LMBR1L: variants seen among roughly 807,000 people sequenced by gnomAD.
LMBR1L encodes limb development membrane protein 1 like.
LMBR1L carries 47 observed loss-of-function variants against 67.3 expected under a neutral mutation model. The observed-to-expected ratio is 0.70, with a 90% CI of 0.55 to 0.89. The LOEUF (loss-of-function observed/expected upper bound fraction) is 0.89, where lower values mean the gene tolerates loss of function less well. Among genes scored for constraint, LMBR1L ranks in the 40% least tolerant of loss-of-function variants. LMBR1L has a pLI of 0.00. For synonymous variants in LMBR1L, 247 were observed against 250.3 expected, an observed-to-expected ratio of 0.99 and a Z score of 0.13; for missense variants, 533 against 599.2, an observed-to-expected ratio of 0.89 and a Z score of 1.15.
chr12:49,101,596 G>A, intron 11 of LMBR1L, 47 bp from the exon 12 acceptor site: 8 of 1,416,764 alleles, frequency 5.6e-6, no homozygotes, highest in Non-Finnish European at 7.9e-6. Context: ...GACCACAGCT[G>A]GACCCAGAGC....
At chr12:49,100,120 A>G (rs1326546682) in intron 15 of LMBR1L, among the ~76,000 whole-genome samples, 1 of 152,232 alleles carries the variant, frequency 6.6e-6, no homozygotes, top group Non-Finnish European at 1.5e-5. Context: ...CCCAGGAGAA[A>G]GATTTAGAAA....
Position 49,103,687 on chromosome 12 carries a change from C to T in LMBR1L, c.562G>A (p.Asp188Asn). The T allele has an allele frequency of 6.2e-7, 1 of 1,613,132 alleles. No homozygotes were observed. The highest frequency in any genetic ancestry group is 8.5e-7 in the Non-Finnish European group (1 of 1,179,530). Reference sequence around the variant, plus strand: ...GCCTGGAGGAAGCTGGGCCGCTCACCATAGAGTGACTCTCTGTTGGCCTTG... The same window carrying T: ...GCCTGGAGGAAGCTGGGCCGCTCACTATAGAGTGACTCTCTGTTGGCCTTG... ...KNKANRESLY[D>N]FWEYYLPYLY... Residue 188 changes from aspartate (D) to asparagine (N), a missense_variant and splice_region_variant, in exon 6 of 17, where the codon GAC becomes AAC. Asp to Asn is a conservative substitution (Grantham distance 23). Transcript: ENST00000267102.
At position 49,101,849 on chromosome 12, in the gene LMBR1L, T is replaced by C. The variant is rs1408310841; in HGVS notation, c.930+271A>G. 4 of 578,588 alleles carry C rather than the reference T, an allele frequency of 6.9e-6. No individual in the cohort carries two copies. In the Admixed American group the frequency reaches 1.3e-4, roughly 18 times the overall value. The allele number at this position is 578,588 out of a possible 1,614,324, so 35.8% of individuals were successfully genotyped here. A position where few individuals can be genotyped will look rare whatever the true frequency, so the allele number is the denominator to read the frequency against. ...TAGGGGAATCGACTGAATTTCAATG[T>C]TTATTATTTTAATGCCAGGGCAAAC... On this transcript the variant is annotated intron_variant, in intron 11 of 16. Coordinates refer to ENST00000267102, the MANE Select transcript of LMBR1L (RefSeq NM_018113.4).
chr12:49,106,642 G>C, intron 2 of LMBR1L: 1 of 1,358,714 alleles, frequency 7.4e-7, no homozygotes, highest in Non-Finnish European at 9.8e-7. Context: ...CATTCATCCA[G>C]CAGTTGCTCA....
At position 49,110,784 on chromosome 12, in the gene LMBR1L, C is replaced by T. The variant is rs1377078296; in HGVS notation, c.-229G>A. 1.8e-6 allele frequency: 1 copy of T among 560,732 alleles called. No individual in the cohort carries two copies. Among genetic ancestry groups the T allele is most frequent in the Non-Finnish European group, 3.2e-6 (1 of 312,644 alleles). 34.7% of individuals were successfully genotyped at this position (560,732 alleles called of 1,614,324 possible). ...AAAGGGCTCTGTCCTCCCTTTGCTC[C>T]CCACTCTTTAAGGTCGGGTCGCGCT... On this transcript the variant is annotated 5_prime_UTR_variant, in exon 1 of 17. Transcript: ENST00000267102.
chr12:49,102,578 G>A, intron 8 of LMBR1L, 38 bp from the exon 9 acceptor site: 1 of 1,594,812 alleles, frequency 6.3e-7, no homozygotes, highest in Non-Finnish European at 8.6e-7. Context: ...ACTGTCAGAG[G>A]CTCCCTGACC....
chr12:49,101,378 CA>C (rs1425903186), intron 12 of LMBR1L, 55 bp from the exon 13 acceptor site: 4 of 1,604,654 alleles, frequency 2.5e-6, no homozygotes, highest in Non-Finnish European at 3.4e-6. Flanking sequence ...CACTACCCGG[CA>C]CCCAGCCTTC....
At position 49,103,781 on chromosome 12, in the gene LMBR1L, C is replaced by T; in HGVS notation, c.468G>A (p.Val156=). Residue 156 remains valine (V), a synonymous_variant, in exon 6 of 17, where the codon GTG becomes GTA. Coordinates refer to ENST00000267102, the MANE Select transcript of LMBR1L (RefSeq NM_018113.4). ...CCAGCAGAGTGAGGAGCATCAACATCACCACTGTCTCATAGACCCGGCCCA... is the reference window on the plus strand; with the variant it reads ...CCAGCAGAGTGAGGAGCATCAACATTACCACTGTCTCATAGACCCGGCCCA... The part of the protein sequence containing the change: ...GVLGRVYETV[V]MLMLLTLLVL... 6.2e-7 allele frequency: 1 copy of T among 1,614,064 alleles called. No individual in the cohort carries two copies. The highest frequency in any genetic ancestry group is 1.1e-5 in the South Asian group (1 of 91,062).
Position 49,097,812 on chromosome 12 carries a change from C to T in LMBR1L, c.1403-73G>A, listed in dbSNP as rs1939583408. ...CGTTAGGGACCAGGCAGCCAAGCCACAGAATGTGTGGATGAGGTACGTTAC... is the reference window on the plus strand; with the variant it reads ...CGTTAGGGACCAGGCAGCCAAGCCATAGAATGTGTGGATGAGGTACGTTAC... On this transcript the variant is annotated intron_variant, in intron 16 of 16. Transcript: ENST00000267102. 1.1e-5 allele frequency: 17 copies of T among 1,606,432 alleles called. No homozygotes were observed. The South Asian group carries it at 1.9e-4, about 18-fold the overall frequency.
At chr12:49,100,883 A>G in intron 13 of LMBR1L, 1 of 559,482 alleles carries the variant, frequency 1.8e-6, no homozygotes, top group South Asian at 2.2e-5. Flanking sequence ...ACGCACCACC[A>G]CGTCTGGCTA....
intron 1 of LMBR1L, among the ~76,000 whole-genome samples, chr12:49,108,781 A>G (rs1941222450): frequency 6.6e-6 from 1 of 152,110 alleles, no homozygotes. Flanking sequence ...TCTCAAGAAG[A>G]GAAGTTATTG....
chr12:49,097,385 A>C lies in LMBR1L; in HGVS notation c.*287T>G. ...GTAAACATGGCTATGGGGATGGCCC[A>C]GAACAGCAGTGAGGCAGATTGATGT... is the stretch of plus-strand genomic sequence containing the variant. On this transcript the variant is annotated 3_prime_UTR_variant, in exon 17 of 17. Coordinates refer to ENST00000267102, the MANE Select transcript of LMBR1L (RefSeq NM_018113.4). The C allele has an allele frequency of 2.2e-6, 1 of 452,772 alleles. No homozygotes were observed. The highest frequency in any genetic ancestry group is 4.1e-6 in the Non-Finnish European group (1 of 244,158). 28.0% of individuals were successfully genotyped at this position (452,772 alleles called of 1,614,324 possible). A position where few individuals can be genotyped will look rare whatever the true frequency, so the allele number is the denominator to read the frequency against.
chr12:49,109,414 T>C (rs564438466), intron 1 of LMBR1L, among the ~76,000 whole-genome samples: 6 of 152,058 alleles, frequency 3.9e-5, no homozygotes, highest in Admixed American at 6.6e-5. Flanking sequence ...CAGACTAATA[T>C]ACTTTCCTGT....
chr12:49,110,402 A>C, intron 1 of LMBR1L, 82 bp downstream of exon 1: 1 of 1,341,800 alleles, frequency 7.5e-7, no homozygotes, highest in Non-Finnish European at 1.1e-6. Flanking sequence ...GTTTGACGGC[A>C]CTCTGAGACC....
At chr12:49,101,186 C>T (rs982395633) in intron 13 of LMBR1L, 64 bp downstream of exon 13, 7 of 1,613,440 alleles carry the variant, frequency 4.3e-6, no homozygotes, top group African/African-American at 1.3e-5. Context: ...AAGAAGTGCT[C>T]GGTCTAGAGT....
In LMBR1L at chr12:49,098,120, C is replaced by T; in HGVS notation, c.1241-15G>A. On this transcript the variant is annotated splice_polypyrimidine_tract_variant and intron_variant, in intron 15 of 16. Transcript: ENST00000267102. ...GCGAGTGAGCCCTGAAGCACAAAGG[C>T]CAGGATGAGAGGTGGGCTCCCCAGG... The T allele has an allele frequency of 6.2e-7, 1 of 1,605,434 alleles. No homozygotes were observed. Among genetic ancestry groups the T allele is most frequent in the Non-Finnish European group, 8.5e-7 (1 of 1,173,394 alleles).
rs1375590487 is a variant in LMBR1L at position 49,101,490 on chromosome 12, G to A, written c.990C>T (p.Ala330=). 2 of 1,613,970 alleles carry A rather than the reference G, an allele frequency of 1.2e-6. No homozygotes were observed. Among genetic ancestry groups the A allele is most frequent in the Non-Finnish European group, 1.7e-6 (2 of 1,179,924 alleles). ...HILELLIDEA[A]MPRGMQGTSL... ...CTGGTACCTGCATGCCTCGGGGCAT[G>A]GCAGCCTCATCGATGAGCAGCTCCA... Residue 330 remains alanine (A), a synonymous_variant, in exon 12 of 17, where the codon GCC becomes GCT. Transcript: ENST00000267102.
chr12:49,099,449 C>T (rs889475473), intron 15 of LMBR1L, among the ~76,000 whole-genome samples: 8 of 152,014 alleles, frequency 5.3e-5, no homozygotes, highest in Non-Finnish European at 1.2e-4. Context: ...AGGCCTGGCC[C>T]CAGAACTGAC....
rs540219946 is a variant in LMBR1L at position 49,105,367 on chromosome 12, T to C, written c.192-482A>G. ...AAGAGGGAACTGAAACCTAGCTTCA[T>C]AGCCAAGGTCTATGCCCCGGGCTGC... On this transcript the variant is annotated intron_variant, in intron 3 of 16. Coordinates refer to ENST00000267102, the MANE Select transcript of LMBR1L (RefSeq NM_018113.4). 2.8e-5 allele frequency: 5 copies of C among 176,438 alleles called. No individual in the cohort carries two copies. The East Asian group carries it at 6.1e-4, about 21-fold the overall frequency. The allele number at this position is 176,438 out of a possible 1,614,324, so 10.9% of individuals were successfully genotyped here. A position where few individuals can be genotyped will look rare whatever the true frequency, so the allele number is the denominator to read the frequency against.
Sources: gnomAD v4.1 joint callset for allele counts (sites outside exome capture counted in the v4.1 genomes callset) on GRCh38, gnomAD v4.1.1 for gene constraint, MANE v1.5 for transcripts, NCBI Gene and HGNC (gene_info 2026-07-23, HGNC 2026-07-21) for gene names.